Variants in NTRK3 observed in about 807,000 individuals in gnomAD.
The protein encoded by NTRK3 is neurotrophic receptor tyrosine kinase 3.
In NTRK3, 24 loss-of-function variants were observed where a neutral mutation model predicts 91.7. That is an observed-to-expected ratio of 0.26 (90% CI 0.19 to 0.37). The LOEUF (loss-of-function observed/expected upper bound fraction) is 0.37, where lower values mean the gene tolerates loss of function less well. NTRK3 is among the 10% of genes least tolerant of loss of function. The pLI is 1.00. For missense variants in NTRK3, 880 were observed against 1,068.9 expected (o/e 0.82, Z 2.46); for synonymous variants, 483 against 404.0 (o/e 1.20, Z -2.34).
chr15:88,219,673 C>A (rs192765768), intron 3 of NTRK3, among the ~76,000 whole-genome samples: 2 of 152,352 alleles, frequency 1.3e-5, no homozygotes, highest in East Asian at 3.9e-4. Context: ...ACTGAAGCTC[C>A]TGAAGTGGGT....
chr15:88,157,535 A>T (rs969855543), intron 5 of NTRK3, among the ~76,000 whole-genome samples: 1 of 151,100 alleles, frequency 6.6e-6, no homozygotes, highest in East Asian at 2.0e-4. Context: ...CCCAGGTCCC[A>T]GAGCCAGCAG....
chr15:88,219,904 G>A (rs537848879), intron 3 of NTRK3, among the ~76,000 whole-genome samples: 2 of 152,260 alleles, frequency 1.3e-5, no homozygotes, highest in South Asian at 4.1e-4. Context: ...CTTGCCCAAG[G>A]TCACACAGCT....
chr15:87,980,571 G>A (rs912724243), intron 14 of NTRK3, among the ~76,000 whole-genome samples: 2 of 152,182 alleles, frequency 1.3e-5, no homozygotes, highest in Non-Finnish European at 2.9e-5. Context: ...GTGAATATGT[G>A]CACAGAGTAA....
chr15:87,995,690 G>A (rs1490861177), intron 14 of NTRK3, among the ~76,000 whole-genome samples: 1 of 152,176 alleles, frequency 6.6e-6, no homozygotes, highest in Non-Finnish European at 1.5e-5. Flanking sequence ...AGCAGTGGCT[G>A]GTCTAGCTAG....
intron 14 of NTRK3, among the ~76,000 whole-genome samples, chr15:87,980,531 A>T (rs751149891): frequency 6.6e-6 from 1 of 151,784 alleles, no homozygotes; most frequent in Non-Finnish European, 1.5e-5. Flanking sequence ...GTGTGTACAC[A>T]TATGTGTGTG....
At chr15:87,870,989 C>T in exon 19 of NTRK3, 1 of 231,106 alleles carries the variant, frequency 4.3e-6, no homozygotes, top group Non-Finnish European at 8.6e-6. Flanking sequence ...AGAAAGATAG[C>T]CAAGCTCACT....
chr15:88,215,363 G>A (rs1252757872), intron 3 of NTRK3, among the ~76,000 whole-genome samples: 1 of 152,210 alleles, frequency 6.6e-6, no homozygotes, highest in Admixed American at 6.5e-5. Flanking sequence ...TGCCCCACCT[G>A]GCCCCAATAA....
At chr15:88,138,559 C>A (rs1271782292) in intron 6 of NTRK3, among the ~76,000 whole-genome samples, 2 of 152,162 alleles carry the variant, frequency 1.3e-5, no homozygotes, top group African/African-American at 4.8e-5. Flanking sequence ...TTCCCTCACT[C>A]CCTCCTCCTC....
intron 14 of NTRK3, among the ~76,000 whole-genome samples, chr15:88,022,729 T>C (rs1257959110): frequency 2.6e-5 from 4 of 151,972 alleles, no homozygotes; most frequent in Non-Finnish European, 5.9e-5. Context: ...TGGCTGGGGG[T>C]CTCATCATTC....
chr15:88,048,776 A>C (rs138997299), intron 13 of NTRK3, among the ~76,000 whole-genome samples: 129 of 152,342 alleles, frequency 8.5e-4, no homozygotes, highest in African/African-American at 2.9e-3. Flanking sequence ...ATCTTGTAAA[A>C]GTCAAACCAT....
At chr15:87,963,315 A>C (rs2072478685) in intron 14 of NTRK3, among the ~76,000 whole-genome samples, 1 of 152,216 alleles carries the variant, frequency 6.6e-6, no homozygotes, top group South Asian at 2.1e-4. Flanking sequence ...AAAATAAAAC[A>C]ATCCAAGTTT....
At chr15:87,922,889 G>T (rs2067992766) in intron 17 of NTRK3, among the ~76,000 whole-genome samples, 1 of 152,120 alleles carries the variant, frequency 6.6e-6, no homozygotes, top group South Asian at 2.1e-4. Context: ...CCAATTCATA[G>T]GATGTAGTTT....
intron 3 of NTRK3, among the ~76,000 whole-genome samples, chr15:88,231,938 T>C (rs998020941): frequency 3.9e-5 from 6 of 152,224 alleles, no homozygotes; most frequent in Admixed American, 6.5e-5. Flanking sequence ...TTTTGAGCCA[T>C]TTGAACTTTC....
At chr15:88,232,074 C>A (rs1406604661) in intron 3 of NTRK3, among the ~76,000 whole-genome samples, 1 of 152,138 alleles carries the variant, frequency 6.6e-6, no homozygotes, top group Non-Finnish European at 1.5e-5. Context: ...CCGCTCATGG[C>A]CCCTCCATGC....
chr15:87,861,101 C>T (rs1021046024), exon 19 of NTRK3: 5 of 226,408 alleles, frequency 2.2e-5, no homozygotes, highest in African/African-American at 8.9e-5. Context: ...TACCATTGTT[C>T]AGCAGTTGCC....
exon 19 of NTRK3, chr15:87,869,818 A>G: frequency 5.0e-6 from 1 of 198,378 alleles, no homozygotes; most frequent in East Asian, 7.8e-5. Flanking sequence ...TTGAGACAGA[A>G]CATGGACAGA....
intron 14 of NTRK3, among the ~76,000 whole-genome samples, chr15:87,995,797 C>A: frequency 6.6e-6 from 1 of 152,130 alleles, no homozygotes; most frequent in Non-Finnish European, 1.5e-5. Context: ...TCAACTCTGC[C>A]GTTGCAGCAC....
At chr15:88,054,035 C>T (rs541060460) in intron 13 of NTRK3, among the ~76,000 whole-genome samples, 2 of 152,204 alleles carry the variant, frequency 1.3e-5, no homozygotes, top group African/African-American at 4.8e-5. Context: ...AAAATAAAGC[C>T]GATAATTCAA....
At chr15:87,922,535 T>G (rs1034397512) in intron 17 of NTRK3, among the ~76,000 whole-genome samples, 1 of 152,142 alleles carries the variant, frequency 6.6e-6, no homozygotes, top group Non-Finnish European at 1.5e-5. Flanking sequence ...ATCTTTAGGA[T>G]CCTCTTAAAA....
Sources: allele counts gnomAD v4.1 joint callset (sites outside exome capture counted in the v4.1 genomes callset), GRCh38; gene constraint gnomAD v4.1.1; transcripts MANE v1.5; gene names NCBI Gene and HGNC (gene_info 2026-07-23, HGNC 2026-07-21).